The following CACNA1A variants were observed in gnomAD, a reference collection of about 807,000 sequenced individuals.
The protein encoded by CACNA1A is calcium voltage-gated channel subunit alpha1 A.
In CACNA1A, 57 loss-of-function variants were observed where a neutral mutation model predicts 262.4. That is an observed-to-expected ratio of 0.22 (90% CI 0.18 to 0.27). CACNA1A has a LOEUF of 0.27. Among genes scored for constraint, CACNA1A ranks in the 10% least tolerant of loss-of-function variants. The probability of loss-of-function intolerance (pLI) is 1.00; values close to 1 mark genes in which losing one functional copy is unlikely to be tolerated. For synonymous variants in CACNA1A, 1,431 were observed against 1,419.3 expected, an observed-to-expected ratio of 1.01 and a Z score of -0.18; for missense variants, 2,526 against 3,562.8, an observed-to-expected ratio of 0.71 and a Z score of 7.41.
intron 3 of CACNA1A, among the ~76,000 whole-genome samples, chr19:13,429,173 C>CAT (rs2060457305): frequency 1.0e-5 from 1 of 98,252 alleles, no homozygotes; most frequent in Non-Finnish European, 2.5e-5. Flanking sequence ...TGCGTACACA[C>CAT]ACACACACAC....
At chr19:13,210,760 G>A (rs898691882) in intron 43 of CACNA1A, 108 bp from the exon 44 acceptor site, 1 of 1,111,978 alleles carries the variant, frequency 9.0e-7, no homozygotes, top group Middle Eastern at 2.5e-4. Context: ...AGAAGCCAAG[G>A]AGGGGAGTGG....
chr19:13,282,092 A>G (rs1242316941), intron 22 of CACNA1A, among the ~76,000 whole-genome samples: 1 of 152,226 alleles, frequency 6.6e-6, no homozygotes, highest in African/African-American at 2.4e-5. Context: ...GAGGCTGAGC[A>G]CTGGCTCTAG....
intron 15 of CACNA1A, among the ~76,000 whole-genome samples, chr19:13,304,282 C>T (rs754568672): frequency 6.6e-6 from 1 of 151,882 alleles, no homozygotes; most frequent in Non-Finnish European, 1.5e-5. Context: ...TAAGAGGTAA[C>T]TAGGGTTAGA....
chr19:13,231,979 C>A, intron 34 of CACNA1A, 119 bp from the exon 35 acceptor site: 1 of 894,846 alleles, frequency 1.1e-6, no homozygotes, highest in Non-Finnish European at 1.7e-6. Flanking sequence ...CAGGCAAGCC[C>A]CAGGTGGACC....
intron 20 of CACNA1A, 95 bp from the exon 21 acceptor site, chr19:13,285,301 G>C: frequency 7.0e-7 from 1 of 1,420,738 alleles, no homozygotes; most frequent in Non-Finnish European, 9.7e-7. Flanking sequence ...AGAAGCGGCT[G>C]ACATTTCTAA....
chr19:13,334,196 T>C (rs2058516863), intron 8 of CACNA1A, 182 bp downstream of exon 8: 1 of 563,616 alleles, frequency 1.8e-6, no homozygotes, highest in East Asian at 2.9e-5. Context: ...CCTGGCTTCA[T>C]CTTAGACTTC....
At chr19:13,404,981 C>T (rs568613325) in intron 3 of CACNA1A, among the ~76,000 whole-genome samples, 1 of 151,758 alleles carries the variant, frequency 6.6e-6, no homozygotes, top group Admixed American at 6.6e-5. Context: ...ACTGCAACTT[C>T]CACCTCCCGG....
At chr19:13,422,101 G>T (rs1247358873) in intron 3 of CACNA1A, among the ~76,000 whole-genome samples, 2 of 152,288 alleles carry the variant, frequency 1.3e-5, no homozygotes, top group East Asian at 1.9e-4. Flanking sequence ...TGGGAGGACT[G>T]CTTGAGCCCA....
chr19:13,313,524 A>G (rs2058074332), intron 11 of CACNA1A, among the ~76,000 whole-genome samples: 2 of 143,882 alleles, frequency 1.4e-5, no homozygotes, highest in African/African-American at 5.2e-5. Flanking sequence ...AAAAAAAAGC[A>G]ACAATTATGC....
intron 3 of CACNA1A, among the ~76,000 whole-genome samples, chr19:13,436,945 T>C (rs182274125): frequency 6.6e-6 from 1 of 152,350 alleles, no homozygotes; most frequent in East Asian, 1.9e-4. Flanking sequence ...AAACAATGAG[T>C]ACACATGTGG....
rs1364247722 is a variant in CACNA1A at position 13,214,266 on chromosome 19, C to T, written c.5907G>A (p.Lys1969=). The T allele has an allele frequency of 6.2e-7, 1 of 1,611,648 alleles. No individual in the cohort carries two copies. The highest frequency in any genetic ancestry group is 2.2e-5 in the East Asian group (1 of 44,874). ...CGCGCATGGCCTGCAGCTTCTTGGC[C>T]TTGCTCTGCCGGTAGTACTCCATGA... ...MMIMEYYRQS[K]AKKLQAMREE... Residue 1969 remains lysine (K), a synonymous_variant, in exon 40 of 47, where the codon AAG becomes AAA. Coordinates refer to ENST00000360228, the MANE Select transcript of CACNA1A (RefSeq NM_001127222.2). This position sits in a 1 kb window ranked among gnomAD's most constrained non-coding sequence, Gnocchi z 4.1.
In CACNA1A at chr19:13,365,487, G is replaced by A; in HGVS notation, c.632-18C>T. 1 of 1,612,318 alleles carries A rather than the reference G, an allele frequency of 6.2e-7. No homozygotes were observed. Among genetic ancestry groups the A allele is most frequent in the Non-Finnish European group, 8.5e-7 (1 of 1,178,856 alleles). ...TTGTAAACCTGGGGGGACACAGAGA[G>A]AGGCCCCATAAGCCCATGAGCAAGT... On this transcript the variant is annotated intron_variant, in intron 4 of 46. Transcript: ENST00000360228.
At chr19:13,344,321 A>C (rs923538618) in intron 6 of CACNA1A, among the ~76,000 whole-genome samples, 2 of 152,188 alleles carry the variant, frequency 1.3e-5, no homozygotes, top group Non-Finnish European at 2.9e-5. Context: ...AGAAGAAAAG[A>C]AAGGTCAAGT....
At chr19:13,354,869 CTTTTTTT>C (rs56350383) in intron 6 of CACNA1A, among the ~76,000 whole-genome samples, 4 of 115,098 alleles carry the variant, frequency 3.5e-5, no homozygotes, top group Non-Finnish European at 6.7e-5. Flanking sequence ...TTTTCTTTTT[CTTTTTTT>C]TTTTTTTTTT....
chr19:13,240,795 T>C (rs940852174), intron 31 of CACNA1A, among the ~76,000 whole-genome samples: 1 of 151,956 alleles, frequency 6.6e-6, no homozygotes, highest in Non-Finnish European at 1.5e-5. Context: ...TGACTGAGTG[T>C]GTGCACAGTG....
chr19:13,501,644 C>T (rs1026248481), intron 1 of CACNA1A, among the ~76,000 whole-genome samples: 1 of 152,124 alleles, frequency 6.6e-6, no homozygotes, highest in African/African-American at 2.4e-5. Flanking sequence ...CAGAACCATC[C>T]TGTTAACAAG....
rs2144536530 is a variant in CACNA1A at position 13,214,379 on chromosome 19, G to C, written c.5840-46C>G. On this transcript the variant is annotated intron_variant, in intron 39 of 46. Transcript: ENST00000360228. The surrounding 1 kb of genome is among the most constrained non-coding windows in gnomAD (Gnocchi z 4.1). ...AGCTCACCAAGGGCAGGCCTCTTTGGGGCCCTTGTCCTGGGTCCCTGTGTA... is the reference window on the plus strand; with the variant it reads ...AGCTCACCAAGGGCAGGCCTCTTTGCGGCCCTTGTCCTGGGTCCCTGTGTA... The C allele has an allele frequency of 6.3e-7, 1 of 1,594,064 alleles. No individual in the cohort carries two copies. Among genetic ancestry groups the C allele is most frequent in the East Asian group, 2.2e-5 (1 of 44,638 alleles).
chr19:13,285,280 C>G, intron 20 of CACNA1A, 74 bp from the exon 21 acceptor site: 1 of 1,562,616 alleles, frequency 6.4e-7, no homozygotes, highest in Non-Finnish European at 8.7e-7. Flanking sequence ...TGTGTACTCC[C>G]AGGGCAGGCA....
rs188474224 is a variant in CACNA1A, at chr19:13,476,698, T to C, written c.294-21486A>G. Reference sequence around the variant, plus strand: ...GAATTGCACACCTCAAAGTGGTAAATTTCATTTTATCACAATAAAAAAATT... The same window carrying C: ...GAATTGCACACCTCAAAGTGGTAAACTTCATTTTATCACAATAAAAAAATT... On this transcript the variant is annotated intron_variant, in intron 1 of 46. Coordinates refer to ENST00000360228, the MANE Select transcript of CACNA1A (RefSeq NM_001127222.2). Among the ~76,000 whole-genome samples, 429 of 152,240 alleles carry C rather than the reference T, an allele frequency of 2.8e-3. 2 individuals are homozygous for C. The highest frequency in any genetic ancestry group is 9.8e-3 in the African/African-American group (408 of 41,538).
Sources: allele counts gnomAD v4.1 joint callset (sites outside exome capture counted in the v4.1 genomes callset), GRCh38; gene constraint gnomAD v4.1.1; non-coding constraint Gnocchi (gnomAD v3.1); transcripts MANE v1.5; gene names NCBI Gene and HGNC (gene_info 2026-07-23, HGNC 2026-07-21).